Variants in CUBN observed in about 807,000 individuals in gnomAD.
CUBN encodes 460 kDa receptor.
In CUBN, 282 loss-of-function variants were observed where a neutral mutation model predicts 405.3. The observed-to-expected ratio is 0.70, with a 90% CI of 0.63 to 0.77. CUBN has a LOEUF of 0.77. CUBN is among the 30% of genes least tolerant of loss of function. The probability of loss-of-function intolerance (pLI) is 0.00; values close to 1 mark genes in which losing one functional copy is unlikely to be tolerated. For missense variants in CUBN, 4,514 were observed against 4,475.2 expected, an observed-to-expected ratio of 1.01 and a Z score of -0.25; for synonymous variants, 1,684 against 1,617.0, an observed-to-expected ratio of 1.04 and a Z score of -0.99.
At chr10:16,981,202 C>CACACACACACACACAA (rs1833261941) in intron 31 of CUBN, among the ~76,000 whole-genome samples, 1 of 151,854 alleles carries the variant, frequency 6.6e-6, no homozygotes, top group African/African-American at 2.4e-5. Context: ...CACACACACA[C>CACACACACACACACAA]AGAAGAGAGA....
At chr10:17,023,971 G>T (rs1834580441) in intron 27 of CUBN, among the ~76,000 whole-genome samples, 1 of 151,524 alleles carries the variant, frequency 6.6e-6, no homozygotes, top group Admixed American at 6.6e-5. Flanking sequence ...CGTGGCTTAG[G>T]TCCCCCCACC....
At chr10:17,047,284 C>T (rs938279483) in intron 23 of CUBN, 130 bp downstream of exon 23, 4 of 688,404 alleles carry the variant, frequency 5.8e-6, no homozygotes, top group Non-Finnish European at 9.5e-6. Flanking sequence ...AACTTTATTT[C>T]TTGCAAGAAA....
At chr10:17,051,908 T>C (rs1229344254) in intron 22 of CUBN, among the ~76,000 whole-genome samples, 1 of 152,122 alleles carries the variant, frequency 6.6e-6, no homozygotes, top group African/African-American at 2.4e-5. Flanking sequence ...AAAATTCTCC[T>C]AAATTTTATG....
In CUBN at chr10:16,890,510, C is replaced by T. The variant is rs770305846; in HGVS notation, c.8616G>A (p.Glu2872=). 2.5e-6 allele frequency: 4 copies of T among 1,614,166 alleles called. No homozygotes were observed. In the Admixed American group the frequency reaches 6.7e-5, roughly 27 times the overall value. The change falls in exon 55 of 67, where the codon GAG becomes GAA. Residue 2872 remains glutamate, a synonymous_variant. Transcript: ENST00000377833. The part of the protein sequence containing the change: ...NSFVKVWAGT[E]EVDKALLATG... ...TGGCTAGCAGGGCTTTGTCCACCTCCTCAGTTCCTGCCCACACCTAGCACG... is the reference window on the plus strand; with the variant it reads ...TGGCTAGCAGGGCTTTGTCCACCTCTTCAGTTCCTGCCCACACCTAGCACG...
intron 14 of CUBN, among the ~76,000 whole-genome samples, chr10:17,098,153 T>C (rs1463249628): frequency 1.3e-5 from 2 of 152,216 alleles, no homozygotes; most frequent in Non-Finnish European, 2.9e-5. Context: ...CATAGCCTAG[T>C]TGAACTCTCA....
At chr10:16,826,795 T>C (rs1312636687) in intron 66 of CUBN, among the ~76,000 whole-genome samples, 3 of 152,176 alleles carry the variant, frequency 2.0e-5, no homozygotes, top group Admixed American at 2.0e-4. Context: ...GTCCAGGATA[T>C]ACTTGTTCTT....
rs145881708 is a variant in CUBN, at chr10:17,045,033, G to C, written c.3646C>G (p.Pro1216Ala). 549 of 1,614,082 alleles carry C rather than the reference G, an allele frequency of 3.4e-4. 1 individual carries two copies. The highest frequency in any genetic ancestry group is 4.7e-4 in the Admixed American group (28 of 60,006). ...GCCAGGTAATCTAAAGTGCAGTTTG[G>C]ATGATGCTCCAAGTGAAAGTCTTTG... Reference protein sequence around the residue: ...EFKDFHLEHHPNCTLDYLAVY... With the variant: ...EFKDFHLEHHANCTLDYLAVY... The change falls in exon 25 of 67, where the codon CCA becomes GCA. Residue 1216 changes from proline (P) to alanine (A), a missense_variant. Coordinates refer to ENST00000377833, the MANE Select transcript of CUBN (RefSeq NM_001081.4).
intron 27 of CUBN, among the ~76,000 whole-genome samples, chr10:17,031,860 AC>A (rs1198287795): frequency 6.6e-6 from 1 of 152,254 alleles, no homozygotes; most frequent in African/African-American, 2.4e-5. Flanking sequence ...ACCAGCAGTG[AC>A]GTGCACTGCA....
intron 6 of CUBN, among the ~76,000 whole-genome samples, chr10:17,116,652 G>T (rs2131315620): frequency 6.6e-6 from 1 of 152,332 alleles, no homozygotes. Flanking sequence ...AATGTTCATG[G>T]ATGACAATGT....
intron 56 of CUBN, among the ~76,000 whole-genome samples, chr10:16,885,519 G>C (rs747382132): frequency 2.0e-5 from 3 of 152,132 alleles, no homozygotes; most frequent in African/African-American, 4.8e-5. Context: ...TAAAGGTGAA[G>C]TAATTTGCAC....
At chr10:16,851,962 A>C (rs191385945) in intron 59 of CUBN, among the ~76,000 whole-genome samples, 64 of 27,132 alleles carry the variant, frequency 2.4e-3, no homozygotes, top group Admixed American at 6.1e-3. Flanking sequence ...CCCTCCCTCA[A>C]TCTTTCCCTC....
chr10:16,866,979 A>G (rs1400297994), intron 59 of CUBN, among the ~76,000 whole-genome samples: 1 of 152,254 alleles, frequency 6.6e-6, no homozygotes, highest in Non-Finnish European at 1.5e-5. Context: ...TAATAGTCAC[A>G]TAATTATATA....
chr10:16,943,797 G>A (rs946649239), intron 36 of CUBN, among the ~76,000 whole-genome samples: 1 of 152,190 alleles, frequency 6.6e-6, no homozygotes, highest in Non-Finnish European at 1.5e-5. Flanking sequence ...CATTCTGTCC[G>A]ATGCTCCAGA....
chr10:17,105,384 A>C, intron 11 of CUBN, 73 bp downstream of exon 11: 2 of 883,244 alleles, frequency 2.3e-6, no homozygotes, highest in Non-Finnish European at 3.9e-6. Context: ...CCTGAATCCT[A>C]TAACGTTACA....
chr10:17,018,630 G>A (rs1247683636), intron 28 of CUBN, among the ~76,000 whole-genome samples: 3 of 152,158 alleles, frequency 2.0e-5, no homozygotes, highest in African/African-American at 7.2e-5. Flanking sequence ...GGTTGCCGCT[G>A]CTGGCTAGGG....
intron 28 of CUBN, among the ~76,000 whole-genome samples, chr10:17,001,854 T>C (rs934432307): frequency 6.6e-6 from 1 of 152,208 alleles, no homozygotes; most frequent in Non-Finnish European, 1.5e-5. Flanking sequence ...ATAGTCTATA[T>C]TTGAGTAGCC....
chr10:17,015,659 G>C (rs181301992), intron 28 of CUBN, among the ~76,000 whole-genome samples: 99 of 152,218 alleles, frequency 6.5e-4, no homozygotes, highest in African/African-American at 2.3e-3. Flanking sequence ...CACTTGCCCT[G>C]GGCACCCTCA....
rs1466766192 is a variant in CUBN, at chr10:17,055,467, A to G, written c.3140-7864T>C. ...GAGGGACAGAGAGAGAGAAGGGAAA[A>G]AATAAAACTTATTTAACTTATTCAC... On this transcript the variant is annotated intron_variant, in intron 22 of 66. Transcript: ENST00000377833. Among the ~76,000 whole-genome samples, 2 of 152,100 alleles carry G rather than the reference A, an allele frequency of 1.3e-5. 1 individual carries two copies. The highest frequency in any genetic ancestry group is 2.9e-5 in the Non-Finnish European group (2 of 67,992).
intron 24 of CUBN, 57 bp from the exon 25 acceptor site, chr10:17,045,245 CT>C: frequency 1.3e-6 from 2 of 1,549,192 alleles, no homozygotes; most frequent in East Asian, 4.5e-5. Context: ...GAAATTGAAT[CT>C]TTTTGTCTGC....
Sources: gnomAD v4.1 joint callset for allele counts (sites outside exome capture counted in the v4.1 genomes callset) on GRCh38, gnomAD v4.1.1 for gene constraint, MANE v1.5 for transcripts, NCBI Gene and HGNC (gene_info 2026-07-23, HGNC 2026-07-21) for gene names.